Variants in TNIK observed in about 807,000 individuals in gnomAD.
The protein encoded by TNIK is TRAF2 and NCK-interacting protein kinase.
TNIK carries 49 observed loss-of-function variants against 191.3 expected under a neutral mutation model. That is an observed-to-expected ratio of 0.26 (90% confidence interval 0.20 to 0.32). TNIK has a LOEUF of 0.32. TNIK is among the 10% of genes least tolerant of loss of function. The pLI is 1.00. For synonymous variants in TNIK, 594 were observed against 600.9 expected (o/e 0.99, Z 0.17); for missense variants, 1,155 against 1,702.3 (o/e 0.68, Z 5.66).
At chr3:171,185,392 T>C (rs1228283176) in intron 7 of TNIK, among the ~76,000 whole-genome samples, 1 of 152,202 alleles carries the variant, frequency 6.6e-6, no homozygotes, top group Non-Finnish European at 1.5e-5. Context: ...AAAATAACAA[T>C]TTAAACAGCC....
At chr3:171,167,997 C>T (rs1326339068) in intron 9 of TNIK, among the ~76,000 whole-genome samples, 16 of 152,166 alleles carry the variant, frequency 1.1e-4, no homozygotes, top group Admixed American at 1.0e-3. Context: ...AGTTCACACC[C>T]AGATGCAAAT....
At chr3:171,191,637 TAC>T (rs777606166) in intron 5 of TNIK, among the ~76,000 whole-genome samples, 1 of 152,380 alleles carries the variant, frequency 6.6e-6, no homozygotes, top group Non-Finnish European at 1.5e-5. Flanking sequence ...TAAAAAGGAA[TAC>T]AGTTTCTATT....
intron 2 of TNIK, among the ~76,000 whole-genome samples, chr3:171,241,845 G>T (rs1226011870): frequency 2.0e-5 from 3 of 152,180 alleles, no homozygotes; most frequent in Non-Finnish European, 2.9e-5. Flanking sequence ...CCATAAAAAA[G>T]GATGAGTTCA....
chr3:171,107,976 T>C (rs533562753), intron 20 of TNIK, 89 bp downstream of exon 20: 1 of 1,319,746 alleles, frequency 7.6e-7, no homozygotes, highest in Admixed American at 2.3e-5. Context: ...CAATTTTTGT[T>C]TGCATCATGA....
In TNIK at chr3:171,378,783, C is replaced by T. The variant is rs143028093; in HGVS notation, c.58-9098G>A. ...ACAGAAGAGCAAAGAGAGGCCCAGA[C>T]AGGCTCTATATACTTATGCAGTTAT... On this transcript the variant is annotated intron_variant, in intron 1 of 32. Coordinates refer to ENST00000436636, the MANE Select transcript of TNIK (RefSeq NM_015028.4). Among the ~76,000 whole-genome samples, 889 of 152,310 alleles carry T rather than the reference C, an allele frequency of 5.8e-3. 11 individuals carry two copies. The highest frequency in any genetic ancestry group is 0.02 in the African/African-American group (848 of 41,564).
chr3:171,119,201 A>G (rs1404097407), intron 18 of TNIK, among the ~76,000 whole-genome samples: 2 of 152,246 alleles, frequency 1.3e-5, no homozygotes, highest in South Asian at 4.1e-4. Context: ...ATGCATCATC[A>G]TCACTGGCCA....
At position 171,138,280 on chromosome 3, in the gene TNIK, G is replaced by A. The variant is rs751315245; in HGVS notation, c.1519C>T (p.Arg507Trp). 5 of 1,613,424 alleles carry A rather than the reference G, an allele frequency of 3.1e-6. No individual in the cohort carries two copies. The highest frequency in any genetic ancestry group is 2.2e-5 in the South Asian group (2 of 90,986). The change falls in exon 15 of 33, where the codon CGG (arginine) becomes TGG (tryptophan). Residue 507 changes from arginine to tryptophan, a missense_variant. By Grantham distance (101) the Arg-to-Trp change is moderately radical. This residue lies in a region of TNIK where 735 missense variants were observed against 848.0 expected (regional missense o/e 0.87). Coordinates refer to ENST00000436636, the MANE Select transcript of TNIK (RefSeq NM_015028.4). ...RDYLVSLQHQRQEQRPVEKKP... is the reference protein window; with the variant it reads ...RDYLVSLQHQWQEQRPVEKKP... Reference sequence around the variant, plus strand: ...TTCTCCACAGGCCTCTGCTCCTGCCGCTGATGCTGAAGGGAAACTAAGTAG... The same window carrying A: ...TTCTCCACAGGCCTCTGCTCCTGCCACTGATGCTGAAGGGAAACTAAGTAG...
At chr3:171,365,748 T>C (rs907723925) in intron 2 of TNIK, among the ~76,000 whole-genome samples, 1 of 152,122 alleles carries the variant, frequency 6.6e-6, no homozygotes, top group African/African-American at 2.4e-5. Context: ...GCTGGAAATA[T>C]ACACACTCAC....
intron 10 of TNIK, among the ~76,000 whole-genome samples, chr3:171,163,581 T>C (rs1013998146): frequency 6.6e-6 from 1 of 152,190 alleles, no homozygotes; most frequent in Non-Finnish European, 1.5e-5. Context: ...AAAATATTAG[T>C]TCACCAAAAT....
chr3:171,107,060 G>T, intron 21 of TNIK, 123 bp downstream of exon 21: 1 of 1,035,504 alleles, frequency 9.7e-7, no homozygotes, highest in Non-Finnish European at 1.4e-6. Flanking sequence ...CCTCCCAGCA[G>T]ATTGCTACAA....
chr3:171,238,796 A>G (rs1011425358), intron 2 of TNIK, among the ~76,000 whole-genome samples: 1 of 152,224 alleles, frequency 6.6e-6, no homozygotes, highest in Non-Finnish European at 1.5e-5. Context: ...GGGATCTCCC[A>G]TGGCTTAAGG....
chr3:171,352,521 A>G (rs1217312639), intron 2 of TNIK, among the ~76,000 whole-genome samples: 3 of 152,238 alleles, frequency 2.0e-5, no homozygotes, highest in Non-Finnish European at 2.9e-5. Context: ...TACTCTGCAA[A>G]GCCTCTCCAA....
intron 2 of TNIK, among the ~76,000 whole-genome samples, chr3:171,329,486 C>T (rs1000198831): frequency 6.6e-6 from 1 of 152,152 alleles, no homozygotes; most frequent in African/African-American, 2.4e-5. Flanking sequence ...ACCTTAAACT[C>T]TGTGAGCTTC....
intron 2 of TNIK, among the ~76,000 whole-genome samples, chr3:171,264,827 A>G (rs1748174354): frequency 6.6e-6 from 1 of 152,198 alleles, no homozygotes; most frequent in African/African-American, 2.4e-5. Flanking sequence ...ATTTAGATGA[A>G]CTAAGTTTAC....
At chr3:171,257,352 T>C (rs921118349) in intron 2 of TNIK, among the ~76,000 whole-genome samples, 2 of 152,224 alleles carry the variant, frequency 1.3e-5, no homozygotes, top group South Asian at 4.1e-4. Context: ...ATTTCAGCTC[T>C]AACCCTACCA....
chr3:171,260,770 T>A (rs1290029043), intron 2 of TNIK, among the ~76,000 whole-genome samples: 1 of 152,210 alleles, frequency 6.6e-6, no homozygotes, highest in Non-Finnish European at 1.5e-5. Flanking sequence ...CAGCCCATTT[T>A]AAAAACTCAA....
rs182582576 is a variant in TNIK, at chr3:171,352,910, A to G, written c.123+16710T>C. Among the ~76,000 whole-genome samples, 3 of 152,298 alleles carry G rather than the reference A, an allele frequency of 2.0e-5. No homozygotes were observed. The East Asian group carries it at 5.8e-4, about 29-fold the overall frequency. On this transcript the variant is annotated intron_variant, in intron 2 of 32. Transcript: ENST00000436636. ...GCAAAAGTAACATCAAAGTTATTTG[A>G]TTGACCCAAGCCAAAGAACCTTCTA...
chr3:171,197,479 G>A (rs1456393521), intron 4 of TNIK, among the ~76,000 whole-genome samples: 2 of 151,424 alleles, frequency 1.3e-5, no homozygotes, highest in Non-Finnish European at 3.0e-5. Context: ...CCCACAGAAT[G>A]GGAAAAGTAT....
intron 4 of TNIK, among the ~76,000 whole-genome samples, chr3:171,207,352 TC>T (rs1673616720): frequency 6.6e-6 from 1 of 151,422 alleles, no homozygotes; most frequent in African/African-American, 2.5e-5. Flanking sequence ...AAATTCTTTT[TC>T]TTTTTTTTTA....
Sources: allele counts gnomAD v4.1 joint callset (sites outside exome capture counted in the v4.1 genomes callset), GRCh38; gene constraint gnomAD v4.1.1; regional missense constraint gnomAD v4.1.1; transcripts MANE v1.5; gene names NCBI Gene and HGNC (gene_info 2026-07-23, HGNC 2026-07-21).